PDE1C: variants seen among roughly 807,000 people sequenced by gnomAD.
PDE1C encodes phosphodiesterase 1C, also known as dual specificity calcium/calmodulin-dependent 3',5'-cyclic nucleotide phosphodiesterase 1C.
PDE1C carries 62 observed loss-of-function variants against 93.1 expected under a neutral mutation model. The ratio of observed to expected loss-of-function variants is 0.67; its 90% confidence interval spans 0.54 to 0.82. The LOEUF is 0.82. Among genes scored for constraint, PDE1C ranks in the 40% least tolerant of loss-of-function variants. The pLI is 0.00. For synonymous variants in PDE1C, 325 were observed against 310.1 expected, an observed-to-expected ratio of 1.05 and a Z score of -0.50; for missense variants, 742 against 884.6, an observed-to-expected ratio of 0.84 and a Z score of 2.04.
intron 1 of PDE1C, among the ~76,000 whole-genome samples, chr7:32,290,571 T>A (rs1183720256): frequency 6.6e-6 from 1 of 151,992 alleles, no homozygotes; most frequent in East Asian, 1.9e-4. Context: ...GAATGATCAT[T>A]CCCCCAGCCA....
At chr7:31,836,321 T>G in intron 11 of PDE1C, among the ~76,000 whole-genome samples, 1 of 148,540 alleles carries the variant, frequency 6.7e-6, no homozygotes, top group East Asian at 2.0e-4. Flanking sequence ...TTATAATAAT[T>G]AAAGATCCTG....
chr7:31,658,368 G>C, the PDE1C span: 5 of 1,517,366 alleles, frequency 3.3e-6, no homozygotes, highest in Non-Finnish European at 4.4e-6. Context: ...ACTTTCTGAA[G>C]ACACAAGACT....
chr7:32,186,087 G>GTTTTTTTTTTTTTTTTTTTT (rs10561469), intron 2 of PDE1C, among the ~76,000 whole-genome samples: 1 of 128,570 alleles, frequency 7.8e-6, no homozygotes, highest in Non-Finnish European at 1.7e-5. Flanking sequence ...TTGTTTTTTT[G>GTTTTTTTTTTTTTTTTTTTT]TTTTTTTTTT....
At chr7:31,825,443 T>C (rs1427747998) in intron 12 of PDE1C, among the ~76,000 whole-genome samples, 1 of 151,854 alleles carries the variant, frequency 6.6e-6, no homozygotes, top group Non-Finnish European at 1.5e-5. Flanking sequence ...AGGGATTCTT[T>C]TGGATTTGGG....
At chr7:31,759,506 A>T (rs1428155641) in intron 17 of PDE1C, among the ~76,000 whole-genome samples, 2 of 152,210 alleles carry the variant, frequency 1.3e-5, no homozygotes, top group Non-Finnish European at 2.9e-5. Flanking sequence ...CCCCTTGGGG[A>T]TACTTTAAAA....
chr7:31,849,489 A>C (rs2128798602), intron 8 of PDE1C, among the ~76,000 whole-genome samples: 1 of 152,318 alleles, frequency 6.6e-6, no homozygotes, highest in Middle Eastern at 3.4e-3. Flanking sequence ...CAAGTAGCTG[A>C]AGTTCTTTTG....
At chr7:31,887,349 C>CT (rs1798081972) in intron 2 of PDE1C, among the ~76,000 whole-genome samples, 1 of 152,004 alleles carries the variant, frequency 6.6e-6, no homozygotes, top group Admixed American at 6.6e-5. Context: ...TAGCTTTTAC[C>CT]TTTTGTTAAT....
chr7:32,281,143 A>C (rs1411090286), intron 1 of PDE1C, among the ~76,000 whole-genome samples: 4 of 152,340 alleles, frequency 2.6e-5, no homozygotes, highest in African/African-American at 9.6e-5. Context: ...TTACAAAATG[A>C]ATTTTAGATG....
intron 1 of PDE1C, among the ~76,000 whole-genome samples, chr7:32,283,237 A>G (rs1405426357): frequency 6.6e-6 from 1 of 152,234 alleles, no homozygotes; most frequent in Non-Finnish European, 1.5e-5. Flanking sequence ...ATATGAAAAG[A>G]CATTAATTAT....
At chr7:31,994,356 C>A (rs751433265) in intron 2 of PDE1C, among the ~76,000 whole-genome samples, 22 of 152,048 alleles carry the variant, frequency 1.4e-4, no homozygotes, top group Non-Finnish European at 2.8e-4. Context: ...TAAAAAGTAC[C>A]AATTTTAAGA....
chr7:32,004,178 G>T (rs1405322645), intron 2 of PDE1C, among the ~76,000 whole-genome samples: 1 of 151,992 alleles, frequency 6.6e-6, no homozygotes, highest in Non-Finnish European at 1.5e-5. Flanking sequence ...TCAGACTTTT[G>T]GGTGCAGTTT....
Position 31,775,737 on chromosome 7 carries a change from G to A in PDE1C, c.1892-5C>T. On this transcript the variant is annotated splice_polypyrimidine_tract_variant and splice_region_variant and intron_variant, in intron 16 of 17. Coordinates refer to ENST00000396191, the MANE Select transcript of PDE1C (RefSeq NM_001191057.4). The stretch of plus-strand genomic sequence containing the variant: ...CGTGAGAACGCTGTTTTGTGCCTGT[G>A]AAGAGGAAAAAGAGGATAAGGAAAA... 6.2e-7 allele frequency: 1 copy of A among 1,612,078 alleles called. No individual in the cohort carries two copies. The highest frequency in any genetic ancestry group is 1.1e-5 in the South Asian group (1 of 91,016).
intron 16 of PDE1C, among the ~76,000 whole-genome samples, chr7:31,796,696 A>G (rs975242981): frequency 1.3e-5 from 2 of 151,662 alleles, no homozygotes; most frequent in Non-Finnish European, 3.0e-5. Flanking sequence ...CCACTCACAT[A>G]TTATGGATTG....
rs140855949 is a variant in PDE1C, at chr7:32,158,721, C to T, written c.308+11064G>A. ...ATGCTACGTGTGCAGGAGACCAAGG[C>T]ATGGAAATATAATTCCTAATTCTGT... On this transcript the variant is annotated intron_variant, in intron 3 of 18. Coordinates refer to the PDE1C transcript ENST00000396193. 1.8e-4 allele frequency among the ~76,000 whole-genome samples: 27 copies of T among 152,262 alleles called. No homozygotes were observed. In the East Asian group the frequency reaches 4.4e-3, roughly 25 times the overall value.
At chr7:31,700,277 T>C in the PDE1C span, among the ~76,000 whole-genome samples, 1 of 152,196 alleles carries the variant, frequency 6.6e-6, no homozygotes, top group Non-Finnish European at 1.5e-5. Flanking sequence ...AACATCCTTA[T>C]TGTTGATACG....
At chr7:31,664,884 TCC>T in the PDE1C span, among the ~76,000 whole-genome samples, 1 of 152,194 alleles carries the variant, frequency 6.6e-6, no homozygotes, top group African/African-American at 2.4e-5. Context: ...CTTTCCTTTA[TCC>T]ACTTGCCACT....
chr7:32,312,816 G>C (rs1225856607), intron 1 of PDE1C, among the ~76,000 whole-genome samples: 1 of 152,110 alleles, frequency 6.6e-6, no homozygotes, highest in African/African-American at 2.4e-5. Flanking sequence ...AGAAAACCTA[G>C]GCAATACCAT....
chr7:31,709,258 T>C, the PDE1C span, among the ~76,000 whole-genome samples: 1 of 152,200 alleles, frequency 6.6e-6, no homozygotes, highest in African/African-American at 2.4e-5. Flanking sequence ...ATAAAAGCCT[T>C]GGGTCTAGCT....
At chr7:31,891,194 C>T (rs140978313) in intron 2 of PDE1C, among the ~76,000 whole-genome samples, 223 of 152,246 alleles carry the variant, frequency 1.5e-3, no homozygotes, top group African/African-American at 5.1e-3. Context: ...ATGAACCAGA[C>T]TGGAACTGGA....
Sources: allele counts gnomAD v4.1 joint callset (sites outside exome capture counted in the v4.1 genomes callset), GRCh38; gene constraint gnomAD v4.1.1; transcripts MANE v1.5; gene names NCBI Gene and HGNC (gene_info 2026-07-23, HGNC 2026-07-21).